FOXN2: variants seen among roughly 807,000 people sequenced by gnomAD.
FOXN2 encodes the protein forkhead box N2, also known as forkhead box protein N2.
A neutral mutation model predicts 41.2 loss-of-function variants in FOXN2; 19 were observed. The observed-to-expected ratio is 0.46, with a 90% confidence interval of 0.32 to 0.68. FOXN2 has a LOEUF of 0.68. Ranked by LOEUF, FOXN2 falls within the 30% of genes least tolerant of loss-of-function variation. The pLI is 0.03. For synonymous variants in FOXN2, 195 were observed against 176.8 expected, an observed-to-expected ratio of 1.10 and a Z score of -0.82; for missense variants, 587 against 509.4, an observed-to-expected ratio of 1.15 and a Z score of -1.47.
intron 5 of FOXN2, among the ~76,000 whole-genome samples, chr2:48,369,596 T>C (rs1156590004): frequency 2.0e-5 from 3 of 152,232 alleles, no homozygotes; most frequent in South Asian, 4.1e-4. Flanking sequence ...ATTTTATAGG[T>C]GCTTCATTTA....
intron 3 of FOXN2, among the ~76,000 whole-genome samples, chr2:48,352,895 A>G (rs1671545121): frequency 6.6e-6 from 1 of 152,136 alleles, no homozygotes; most frequent in African/African-American, 2.4e-5. Flanking sequence ...ATCTAGTAGC[A>G]CCTATAAATA....
At chr2:48,368,247 A>G (rs1672654981) in intron 5 of FOXN2, among the ~76,000 whole-genome samples, 1 of 147,040 alleles carries the variant, frequency 6.8e-6, no homozygotes, top group Admixed American at 6.7e-5. Flanking sequence ...GTTAGATAAT[A>G]CAGCTAATAG....
intron 5 of FOXN2, among the ~76,000 whole-genome samples, chr2:48,371,922 G>GT (rs1411265126): frequency 6.6e-6 from 1 of 152,098 alleles, no homozygotes; most frequent in African/African-American, 2.4e-5. Context: ...AGTTCTAAGA[G>GT]TTTTTTGGTA....
intron 5 of FOXN2, among the ~76,000 whole-genome samples, chr2:48,369,088 A>G (rs1316269593): frequency 1.3e-5 from 2 of 152,200 alleles, no homozygotes; most frequent in African/African-American, 4.8e-5. Flanking sequence ...CTACCATTCT[A>G]CTGTTATAGA....
chr2:48,358,472 G>A (rs747386136), intron 3 of FOXN2, among the ~76,000 whole-genome samples: 8 of 151,910 alleles, frequency 5.3e-5, no homozygotes, highest in East Asian at 1.9e-4. Context: ...AGTAGTGATC[G>A]GGACCTTGGT....
At chr2:48,357,637 A>T (rs1011471080) in intron 3 of FOXN2, among the ~76,000 whole-genome samples, 1 of 151,736 alleles carries the variant, frequency 6.6e-6, no homozygotes. Context: ...GAGTTTTGCT[A>T]TGTTGCTTAA....
chr2:48,362,786 T>TC, intron 5 of FOXN2, 79 bp downstream of exon 5: 2 of 1,172,828 alleles, frequency 1.7e-6, no homozygotes, highest in Non-Finnish European at 2.5e-6. Context: ...ACAATGGTGG[T>TC]CCCCTAAGAT....
chr2:48,358,257 CT>C (rs1671939287), intron 3 of FOXN2, among the ~76,000 whole-genome samples: 1 of 152,052 alleles, frequency 6.6e-6, no homozygotes, highest in Non-Finnish European at 1.5e-5. Flanking sequence ...TGCAGCAACC[CT>C]TACGTACGTC....
chr2:48,317,685 G>A (rs1036396067), intron 1 of FOXN2, among the ~76,000 whole-genome samples: 2 of 122,008 alleles, frequency 1.6e-5, no homozygotes, highest in African/African-American at 3.1e-5. Flanking sequence ...TTGGCTCACT[G>A]CAACCTCCAC....
intron 1 of FOXN2, among the ~76,000 whole-genome samples, chr2:48,325,211 T>G (rs1363142846): frequency 6.6e-6 from 1 of 152,134 alleles, no homozygotes; most frequent in African/African-American, 2.4e-5. Flanking sequence ...ACTTCCAGTT[T>G]GGAGCACACC....
At chr2:48,330,807 CAT>C (rs1669974925) in intron 2 of FOXN2, among the ~76,000 whole-genome samples, 1 of 152,056 alleles carries the variant, frequency 6.6e-6, no homozygotes, top group African/African-American at 2.4e-5. Flanking sequence ...TCAGGATTCA[CAT>C]GTTTAAGTAT....
In FOXN2 at chr2:48,376,477, C is replaced by A. The variant is rs1298197827; in HGVS notation, c.*1034C>A. On this transcript the variant is annotated 3_prime_UTR_variant, in exon 7 of 7. Coordinates refer to ENST00000340553, the MANE Select transcript of FOXN2 (RefSeq NM_002158.4). ...GTATGAATTAAATTCATAAGTATAC[C>A]AAATTAAATCTTAATAGATTTAATG... The A allele has an allele frequency of 2.0e-5, 3 of 152,276 alleles. No individual in the cohort carries two copies. Among genetic ancestry groups the A allele is most frequent in the Admixed American group, 1.3e-4 (2 of 15,244 alleles). 9.4% of individuals were successfully genotyped at this position (152,276 alleles called of 1,614,324 possible).
intron 3 of FOXN2, among the ~76,000 whole-genome samples, chr2:48,352,398 G>A (rs1212777798): frequency 6.6e-6 from 1 of 152,138 alleles, no homozygotes; most frequent in African/African-American, 2.4e-5. Flanking sequence ...GTATAACACT[G>A]TGCTTAATTC....
At chr2:48,350,761 G>T (rs1048115959) in intron 3 of FOXN2, among the ~76,000 whole-genome samples, 2 of 152,200 alleles carry the variant, frequency 1.3e-5, no homozygotes, top group Non-Finnish European at 2.9e-5. Flanking sequence ...AAAAGACCTA[G>T]CCTAGTGGAG....
rs762578543 is a variant in FOXN2, at chr2:48,374,782, G to A, written c.773-138G>A. On this transcript the variant is annotated intron_variant, in intron 6 of 6. Transcript: ENST00000340553. Reference sequence around the variant, plus strand: ...ATGCTTGCAAAATGATGTGATCTGGGTAAAAAAAAATAAAAAATCTACAAA... The same window carrying A: ...ATGCTTGCAAAATGATGTGATCTGGATAAAAAAAAATAAAAAATCTACAAA... 4.0e-5 allele frequency: 29 copies of A among 717,884 alleles called. 1 individual carries two copies. The highest frequency in any genetic ancestry group is 9.0e-5 in the South Asian group (4 of 44,276). The allele number at this position is 717,884 out of a possible 1,614,324, so 44.5% of individuals were successfully genotyped here. A position where few individuals can be genotyped will look rare whatever the true frequency, so the allele number is the denominator to read the frequency against.
Position 48,359,029 on chromosome 2 carries a change from T to C in FOXN2, c.538-18T>C. 6.3e-7 allele frequency: 1 copy of C among 1,580,514 alleles called. No homozygotes were observed. Among genetic ancestry groups the C allele is most frequent in the Non-Finnish European group, 8.7e-7 (1 of 1,152,648 alleles). ...TATGTATAAAAGTTCCTAGTTATTC[T>C]TGTGCATTTTATTCTAGGTTAATGG... On this transcript the variant is annotated intron_variant, in intron 3 of 6. Transcript: ENST00000340553.
chr2:48,366,674 A>C (rs976735925), intron 5 of FOXN2, among the ~76,000 whole-genome samples: 2 of 152,106 alleles, frequency 1.3e-5, no homozygotes, highest in South Asian at 2.1e-4. Context: ...TATCTAATTT[A>C]ATCCTTAAAA....
At chr2:48,346,131 T>C in intron 2 of FOXN2, 70 bp from the exon 3 acceptor site, 2 of 1,333,194 alleles carry the variant, frequency 1.5e-6, no homozygotes. Flanking sequence ...GATATTTACA[T>C]ATGTATTTTC....
intron 1 of FOXN2, among the ~76,000 whole-genome samples, chr2:48,319,481 A>T (rs1400337483): frequency 2.0e-5 from 3 of 152,120 alleles, no homozygotes; most frequent in Non-Finnish European, 4.4e-5. Context: ...ATTTCAGTTA[A>T]TATTTTTCTG....
Sources: allele counts gnomAD v4.1 joint callset (sites outside exome capture counted in the v4.1 genomes callset), GRCh38; gene constraint gnomAD v4.1.1; transcripts MANE v1.5; gene names NCBI Gene and HGNC (gene_info 2026-07-23, HGNC 2026-07-21).